The following ZMAT3 variants were observed in gnomAD, a reference collection of about 807,000 sequenced individuals.
The protein encoded by ZMAT3 is zinc finger matrin-type 3.
ZMAT3 carries 17 observed loss-of-function variants against 32.3 expected under a neutral mutation model. The observed-to-expected ratio is 0.53, with a 90% CI of 0.36 to 0.79. The LOEUF (loss-of-function observed/expected upper bound fraction) is 0.79, where lower values mean the gene tolerates loss of function less well. Among genes scored for constraint, ZMAT3 ranks in the 30% least tolerant of loss-of-function variants. ZMAT3 has a pLI of 0.00. For synonymous variants in ZMAT3, 120 were observed against 133.1 expected (o/e 0.90, Z 0.68); for missense variants, 329 against 359.7 (o/e 0.91, Z 0.69).
intron 1 of ZMAT3, among the ~76,000 whole-genome samples, chr3:179,070,425 T>C (rs903112298): frequency 4.6e-5 from 7 of 152,262 alleles, no homozygotes; most frequent in African/African-American, 1.7e-4. Context: ...AGTAGCTTGA[T>C]ATCCCAAATT....
At chr3:179,065,860 C>T (rs1721388419) in intron 2 of ZMAT3, among the ~76,000 whole-genome samples, 1 of 152,042 alleles carries the variant, frequency 6.6e-6, no homozygotes, top group Non-Finnish European at 1.5e-5. Flanking sequence ...GAGCCAAGAT[C>T]GCGCCACTGC....
Position 179,025,070 on chromosome 3 carries a change from T to G in ZMAT3, c.817A>C (p.Lys273Gln). The change falls in exon 6 of 6, where the codon AAG becomes CAG. Residue 273 changes from lysine to glutamine, a missense_variant. Lys to Gln is a moderately conservative substitution (Grantham distance 53). Coordinates refer to ENST00000311417, the MANE Select transcript of ZMAT3 (RefSeq NM_022470.4). ...TTCCTGTACCGCTGTTCAGACACCTTGCTCTTATGTTGCTTGCTCTCTAAA... is the reference window on the plus strand; with the variant it reads ...TTCCTGTACCGCTGTTCAGACACCTGGCTCTTATGTTGCTTGCTCTCTAAA... ...QHLESKQHKS[K>Q]VSEQRYRNEM... 1 of 1,614,240 alleles carries G rather than the reference T, an allele frequency of 6.2e-7. No individual in the cohort carries two copies. The highest frequency in any genetic ancestry group is 8.5e-7 in the Non-Finnish European group (1 of 1,180,038).
rs1718718057 is a variant in ZMAT3, at chr3:179,024,133, A to C, written c.*884T>G. On this transcript the variant is annotated 3_prime_UTR_variant, in exon 6 of 6. Coordinates refer to ENST00000311417, the MANE Select transcript of ZMAT3 (RefSeq NM_022470.4). ...TGGGCTTGTTAGACAAGCTGATTCA[A>C]CTAGGGGGGAAAAAAGAGGAGGGAA... 3.9e-5 allele frequency: 6 copies of C among 152,146 alleles called. No individual in the cohort carries two copies. Among genetic ancestry groups the C allele is most frequent in the African/African-American group, 1.2e-4 (5 of 41,426 alleles). The allele number at this position is 152,146 out of a possible 1,614,324, so 9.4% of individuals were successfully genotyped here.
At chr3:179,050,239 C>G (rs1720480279) in intron 2 of ZMAT3, among the ~76,000 whole-genome samples, 2 of 151,570 alleles carry the variant, frequency 1.3e-5, no homozygotes, top group Admixed American at 1.3e-4. Context: ...TGAGGTTAGC[C>G]AAGAAAATAA....
intron 2 of ZMAT3, among the ~76,000 whole-genome samples, chr3:179,057,096 C>T (rs186976953): frequency 2.2e-4 from 33 of 152,178 alleles, no homozygotes; most frequent in African/African-American, 6.3e-4. Context: ...CCCTTAGACC[C>T]GAGGCCCAAC....
intron 2 of ZMAT3, among the ~76,000 whole-genome samples, chr3:179,058,637 T>C (rs1399601194): frequency 6.6e-6 from 1 of 150,522 alleles, no homozygotes; most frequent in Non-Finnish European, 1.5e-5. Flanking sequence ...GCGCCTGTAG[T>C]CCCAGCTACT....
intron 2 of ZMAT3, among the ~76,000 whole-genome samples, chr3:179,057,856 A>G (rs1720931670): frequency 6.6e-6 from 1 of 152,200 alleles, no homozygotes; most frequent in Non-Finnish European, 1.5e-5. Context: ...TACACTAATT[A>G]AGGAAACTCA....
chr3:179,062,953 C>A (rs1027901043), intron 2 of ZMAT3, among the ~76,000 whole-genome samples: 1 of 152,160 alleles, frequency 6.6e-6, no homozygotes, highest in African/African-American at 2.4e-5. Flanking sequence ...ACAATAGCAA[C>A]CTATTTCAAT....
rs1343801955 is a variant in ZMAT3, at chr3:179,022,731, G to C, written c.*2286C>G. On this transcript the variant is annotated 3_prime_UTR_variant, in exon 6 of 6. Coordinates refer to ENST00000311417, the MANE Select transcript of ZMAT3 (RefSeq NM_022470.4). ...GTATTTGATTCTTCTGTTTCTGGGA[G>C]AAGAAAAGTTACAAAATAATTCTAC... 6.6e-6 allele frequency: 1 copy of C among 151,934 alleles called. No individual in the cohort carries two copies. The highest frequency in any genetic ancestry group is 1.5e-5 in the Non-Finnish European group (1 of 67,968). 9.4% of individuals were successfully genotyped at this position (151,934 alleles called of 1,614,324 possible).
intron 2 of ZMAT3, among the ~76,000 whole-genome samples, chr3:179,033,375 T>C (rs1251917187): frequency 6.6e-6 from 1 of 152,166 alleles, no homozygotes; most frequent in Non-Finnish European, 1.5e-5. Flanking sequence ...CAGGGCCCTC[T>C]GCCTAGGAAA....
At chr3:179,059,106 C>T (rs901994265) in intron 2 of ZMAT3, among the ~76,000 whole-genome samples, 1 of 151,768 alleles carries the variant, frequency 6.6e-6, no homozygotes, top group Non-Finnish European at 1.5e-5. Context: ...CTGCTGGGGT[C>T]GTCAGAAAGG....
At position 179,018,035 on chromosome 3, in the gene ZMAT3, C is replaced by G. The variant is rs906864973; in HGVS notation, c.*6982G>C. The G allele has an allele frequency of 1.3e-5, 2 of 152,084 alleles. No individual in the cohort carries two copies. The highest frequency in any genetic ancestry group is 4.8e-5 in the African/African-American group (2 of 41,410). 9.4% of individuals were successfully genotyped at this position (152,084 alleles called of 1,614,324 possible). The stretch of plus-strand genomic sequence containing the variant: ...ATTTACAAAACCCCAGAAAGGTACT[C>G]AGGTACCAAAAGAGGGCAGAACAAT... On this transcript the variant is annotated 3_prime_UTR_variant, in exon 6 of 6. Coordinates refer to ENST00000311417, the MANE Select transcript of ZMAT3 (RefSeq NM_022470.4).
Position 179,023,345 on chromosome 3 carries a change from C to T in ZMAT3, c.*1672G>A, listed in dbSNP as rs1283837937. On this transcript the variant is annotated 3_prime_UTR_variant, in exon 6 of 6. Transcript: ENST00000311417. ...AGATGCCAAAGTGATCTATCATATA[C>T]TTGTTAGTATCTTCAAGAAAGCCGA... is the stretch of plus-strand genomic sequence containing the variant. 1 of 151,770 alleles carries T rather than the reference C, an allele frequency of 6.6e-6. No homozygotes were observed. Among genetic ancestry groups the T allele is most frequent in the Non-Finnish European group, 1.5e-5 (1 of 67,982 alleles). 9.4% of individuals were successfully genotyped at this position (151,770 alleles called of 1,614,324 possible). A position where few individuals can be genotyped will look rare whatever the true frequency, so the allele number is the denominator to read the frequency against.
chr3:179,070,985 G>T (rs993238909), intron 1 of ZMAT3, among the ~76,000 whole-genome samples: 26 of 152,162 alleles, frequency 1.7e-4, no homozygotes, highest in African/African-American at 6.3e-4. Flanking sequence ...AACTAGGTAA[G>T]TCTGTAATTG....
chr3:179,069,193 C>A (rs141347311), intron 1 of ZMAT3, among the ~76,000 whole-genome samples: 386 of 152,272 alleles, frequency 2.5e-3, no homozygotes, highest in African/African-American at 8.4e-3. Context: ...CACCATAAGC[C>A]ACAGTATAAT....
intron 2 of ZMAT3, among the ~76,000 whole-genome samples, chr3:179,034,164 T>C (rs1170062633): frequency 1.3e-5 from 2 of 152,188 alleles, no homozygotes; most frequent in East Asian, 3.8e-4. Context: ...TTATTCACCA[T>C]CTATTTATAT....
chr3:179,041,131 T>C (rs530854650), intron 2 of ZMAT3, among the ~76,000 whole-genome samples: 3 of 152,218 alleles, frequency 2.0e-5, no homozygotes, highest in Admixed American at 6.5e-5. Context: ...ACAATAATAA[T>C]AGGAGACTTT....
rs1204256840 is a variant in ZMAT3 at position 179,041,457 on chromosome 3, C to T, written c.271-10458G>A. ...TCAAAACTGCACAACTACATGGAAA[C>T]TGAACAACTTGCTCCTGAATGACTA... On this transcript the variant is annotated intron_variant, in intron 2 of 5. Coordinates refer to ENST00000311417, the MANE Select transcript of ZMAT3 (RefSeq NM_022470.4). Among the ~76,000 whole-genome samples the T allele has an allele frequency of 2.0e-5, 3 of 152,214 alleles. No individual in the cohort carries two copies. In the East Asian group the frequency reaches 5.8e-4, roughly 29 times the overall value.
chr3:179,036,669 C>G (rs899830077), intron 2 of ZMAT3, among the ~76,000 whole-genome samples: 1 of 152,076 alleles, frequency 6.6e-6, no homozygotes, highest in African/African-American at 2.4e-5. Context: ...TCAACAATCT[C>G]AATCTCAATA....
Sources: allele counts gnomAD v4.1 joint callset (sites outside exome capture counted in the v4.1 genomes callset), GRCh38; gene constraint gnomAD v4.1.1; transcripts MANE v1.5; gene names NCBI Gene and HGNC (gene_info 2026-07-23, HGNC 2026-07-21).